The following MRPS23 variants were observed in gnomAD, a reference collection of about 807,000 sequenced individuals.
The protein encoded by MRPS23 is small ribosomal subunit protein mS23.
MRPS23 carries 14 observed loss-of-function variants against 19.8 expected under a neutral mutation model. That is an observed-to-expected ratio of 0.71 (90% CI 0.47 to 1.11). MRPS23 has a LOEUF of 1.11. Ranked by LOEUF, MRPS23 falls within the 50% of genes least tolerant of loss-of-function variation. The pLI, the probability that MRPS23 is intolerant of heterozygous loss-of-function variation, is 0.00. For synonymous variants in MRPS23, 113 were observed against 89.7 expected, an observed-to-expected ratio of 1.26 and a Z score of -1.47; for missense variants, 242 against 236.7, an observed-to-expected ratio of 1.02 and a Z score of -0.15.
rs1247974800 is a variant in MRPS23, at chr17:57,838,187, G to A, written c.*1596C>T. 1.3e-5 allele frequency: 2 copies of A among 149,948 alleles called. No homozygotes were observed. Among genetic ancestry groups the A allele is most frequent in the Admixed American group, 6.7e-5 (1 of 14,940 alleles). 9.3% of individuals were successfully genotyped at this position (149,948 alleles called of 1,614,324 possible). On this transcript the variant is annotated 3_prime_UTR_variant, in exon 5 of 5. Coordinates refer to ENST00000313608, the MANE Select transcript of MRPS23 (RefSeq NM_016070.4). The stretch of plus-strand genomic sequence containing the variant: ...CACCTGTAATCCCAGCTACTTGGGA[G>A]GCTGAGGCAGAAGAACTGCTTGAAC...
Position 57,837,818 on chromosome 17 carries a change from A to G in MRPS23, c.*1965T>C, listed in dbSNP as rs768741059. On this transcript the variant is annotated 3_prime_UTR_variant, in exon 5 of 5. Transcript: ENST00000313608. Reference sequence around the variant, plus strand: ...AGACTCCATCTCTACAAAAAAAAACAAACAAAAAAAATGTTAAAGAGCCAG... The same window carrying G: ...AGACTCCATCTCTACAAAAAAAAACGAACAAAAAAAATGTTAAAGAGCCAG... 6.6e-6 allele frequency: 1 copy of G among 151,498 alleles called. No homozygotes were observed. Among genetic ancestry groups the G allele is most frequent in the Non-Finnish European group, 1.5e-5 (1 of 68,600 alleles). 9.4% of individuals were successfully genotyped at this position (151,498 alleles called of 1,614,324 possible).
At chr17:57,841,096 T>A in intron 3 of MRPS23, 44 bp from the exon 4 acceptor site, 6 of 1,612,406 alleles carry the variant, frequency 3.7e-6, no homozygotes, top group Non-Finnish European at 5.1e-6. Flanking sequence ...TTGTAAGCAT[T>A]GTTAAGACGC....
chr17:57,848,925 C>A (rs2073793759), intron 2 of MRPS23: 1 of 229,868 alleles, frequency 4.4e-6, no homozygotes, highest in Non-Finnish European at 8.3e-6. Flanking sequence ...GCCTTCCTTA[C>A]AAGTTAGAGT....
rs1437959241 is a variant in MRPS23 at position 57,837,328 on chromosome 17, C to T, written c.*2455G>A. The T allele has an allele frequency of 6.6e-6, 1 of 152,182 alleles. No individual in the cohort carries two copies. The highest frequency in any genetic ancestry group is 6.5e-5 in the Admixed American group (1 of 15,284). The allele number at this position is 152,182 out of a possible 1,614,324, so 9.4% of individuals were successfully genotyped here. On this transcript the variant is annotated 3_prime_UTR_variant, in exon 5 of 5. Transcript: ENST00000313608. ...ATTTCTATGGACGAAGATATCAAAA[C>T]TCAAAATGATCTGCTCCTTGATCCA...
intron 2 of MRPS23, among the ~76,000 whole-genome samples, chr17:57,846,930 AAAAT>A (rs1470398040): frequency 1.3e-5 from 2 of 151,210 alleles, no homozygotes; most frequent in African/African-American, 4.8e-5. Flanking sequence ...TAAAAAATAA[AAAAT>A]AATAAAAATA....
intron 2 of MRPS23, 25 bp from the exon 3 acceptor site, chr17:57,841,285 TAA>T: frequency 6.3e-7 from 1 of 1,598,374 alleles, no homozygotes; most frequent in Non-Finnish European, 8.6e-7. Flanking sequence ...CAACATAATA[TAA>T]ATCTCCGATT....
chr17:57,843,463 C>A (rs1390961941), intron 2 of MRPS23, among the ~76,000 whole-genome samples: 1 of 152,172 alleles, frequency 6.6e-6, no homozygotes, highest in African/African-American at 2.4e-5. Flanking sequence ...TCTTTGTCCG[C>A]TTTTCTATTT....
intron 2 of MRPS23, among the ~76,000 whole-genome samples, chr17:57,846,124 C>T: frequency 6.6e-6 from 1 of 151,616 alleles, no homozygotes; most frequent in African/African-American, 2.4e-5. Context: ...GGGGGGCAGC[C>T]CCCACCCAGC....
At position 57,846,358 on chromosome 17, in the gene MRPS23, C is replaced by T. The variant is rs867612737; in HGVS notation, c.215+2882G>A. Among the ~76,000 whole-genome samples the T allele has an allele frequency of 3.9e-5, 6 of 152,078 alleles. No individual in the cohort carries two copies. In the South Asian group the frequency reaches 1.0e-3, roughly 26 times the overall value. Reference sequence around the variant, plus strand: ...GAGGTGGGGGGCACCTCTGCCCGGCCGCCCCGTCTGGGAAGTGAGGAGCCC... The same window carrying T: ...GAGGTGGGGGGCACCTCTGCCCGGCTGCCCCGTCTGGGAAGTGAGGAGCCC... On this transcript the variant is annotated intron_variant, in intron 2 of 4. Transcript: ENST00000313608.
In MRPS23 at chr17:57,835,952, C is replaced by CTTTTTTTTTTTTTTTTTTTTTT. The variant is rs11304363; in HGVS notation, c.*3830_*3831insAAAAAAAAAAAAAAAAAAAAAA. 1 of 135,256 alleles carries CTTTTTTTTTTTTTTTTTTTTTT rather than the reference C, an allele frequency of 7.4e-6. No individual in the cohort carries two copies. The highest frequency in any genetic ancestry group is 2.7e-5 in the African/African-American group (1 of 37,018). The allele number at this position is 135,256 out of a possible 1,614,324, so 8.4% of individuals were successfully genotyped here. On this transcript the variant is annotated 3_prime_UTR_variant, in exon 5 of 5. Coordinates refer to ENST00000313608, the MANE Select transcript of MRPS23 (RefSeq NM_016070.4). Reference sequence around the variant, plus strand: ...ATAAGAATTTCTGCCCTCCTTTATACTTTTTTTTTTTTTTTTTTTGAGACA... The same window carrying CTTTTTTTTTTTTTTTTTTTTTT: ...ATAAGAATTTCTGCCCTCCTTTATACTTTTTTTTTTTTTTTTTTTTTTTTTTTTTTTTTTTTTTTTTGAGACA...
At chr17:57,844,793 A>G (rs2073762148) in intron 2 of MRPS23, among the ~76,000 whole-genome samples, 1 of 144,686 alleles carries the variant, frequency 6.9e-6, no homozygotes, top group Non-Finnish European at 1.5e-5. Flanking sequence ...AAAAAAAAAA[A>G]GTAATATTTA....
chr17:57,849,958 A>C lies in MRPS23; in HGVS notation c.44+9T>G, dbSNP rs938285416. The C allele has an allele frequency of 1.3e-6, 2 of 1,585,588 alleles. No homozygotes were observed. The highest frequency in any genetic ancestry group is 1.3e-5 in the African/African-American group (1 of 74,284). ...GCACCCTCAGCCCACCACGGCTGGG[A>C]GCACACACCGAGAGAAGATGCTCCC... is the stretch of plus-strand genomic sequence containing the variant. On this transcript the variant is annotated intron_variant, in intron 1 of 4. Transcript: ENST00000313608.
In MRPS23 at chr17:57,839,489, C is replaced by A; in HGVS notation, c.*294G>T. ...AAGCAAGCCTAGTCAGATTGAGTCC[C>A]ATTTGAACAATCTTTATAAAGGTTT... On this transcript the variant is annotated 3_prime_UTR_variant, in exon 5 of 5. Coordinates refer to ENST00000313608, the MANE Select transcript of MRPS23 (RefSeq NM_016070.4). 4.3e-6 allele frequency: 1 copy of A among 231,094 alleles called. No homozygotes were observed. The highest frequency in any genetic ancestry group is 2.2e-5 in the African/African-American group (1 of 44,604). 14.3% of individuals were successfully genotyped at this position (231,094 alleles called of 1,614,324 possible). A position where few individuals can be genotyped will look rare whatever the true frequency, so the allele number is the denominator to read the frequency against.
In MRPS23 at chr17:57,849,494, T is replaced by G; in HGVS notation, c.45-84A>C. 6.6e-6 allele frequency: 10 copies of G among 1,508,300 alleles called. No homozygotes were observed. In the South Asian group the frequency reaches 1.2e-4, roughly 19 times the overall value. 93.4% of individuals were successfully genotyped at this position (1,508,300 alleles called of 1,614,324 possible). On this transcript the variant is annotated intron_variant, in intron 1 of 4. Coordinates refer to ENST00000313608, the MANE Select transcript of MRPS23 (RefSeq NM_016070.4). The stretch of plus-strand genomic sequence containing the variant: ...ATCAGTCTAGCACAGTTTGGGACAT[T>G]AAAGGTATTATGCGGTCTGCAACAC...
At position 57,849,270 on chromosome 17, in the gene MRPS23, T is replaced by A. The variant is rs780900062; in HGVS notation, c.185A>T (p.Asp62Val). The A allele has an allele frequency of 6.2e-7, 1 of 1,614,182 alleles. No homozygotes were observed. The highest frequency in any genetic ancestry group is 8.5e-7 in the Non-Finnish European group (1 of 1,180,028). The change falls in exon 2 of 5, where the codon GAC (aspartate) becomes GTC (valine). Residue 62 changes from aspartate (D) to valine (V), a missense_variant. Coordinates refer to ENST00000313608, the MANE Select transcript of MRPS23 (RefSeq NM_016070.4). ...AATCCGATCCTCGTGGTACCAGATGTCTTGGATGGGAGCTTTGGCTTTGCC... is the reference window on the plus strand; with the variant it reads ...AATCCGATCCTCGTGGTACCAGATGACTTGGATGGGAGCTTTGGCTTTGCC... Reference protein sequence around the residue: ...RYGKAKAPIQDIWYHEDRIRA... With the variant: ...RYGKAKAPIQVIWYHEDRIRA...
At chr17:57,846,287 G>A (rs1420607007) in intron 2 of MRPS23, among the ~76,000 whole-genome samples, 3 of 28,286 alleles carry the variant, frequency 1.1e-4, no homozygotes, top group African/African-American at 1.2e-4. Flanking sequence ...CGCCCCGTCC[G>A]GGAGGGAGGT....
At position 57,841,056 on chromosome 17, in the gene MRPS23, T is replaced by G. The variant is rs750921689; in HGVS notation, c.294-4A>C. On this transcript the variant is annotated splice_polypyrimidine_tract_variant and splice_region_variant and intron_variant, in intron 3 of 4. Coordinates refer to ENST00000313608, the MANE Select transcript of MRPS23 (RefSeq NM_016070.4). ...CTCAGTGTACTTCTCCACAAACCTG[T>G]AATTCCAAGCAGTCACATTTTAGGT... 2 of 1,613,782 alleles carry G rather than the reference T, an allele frequency of 1.2e-6. No individual in the cohort carries two copies. The highest frequency in any genetic ancestry group is 2.2e-5 in the South Asian group (2 of 90,984).
In MRPS23 at chr17:57,838,606, G is replaced by A. The variant is rs140272439; in HGVS notation, c.*1177C>T. On this transcript the variant is annotated 3_prime_UTR_variant, in exon 5 of 5. Coordinates refer to ENST00000313608, the MANE Select transcript of MRPS23 (RefSeq NM_016070.4). The stretch of plus-strand genomic sequence containing the variant: ...GAATGGATGAAATTTACTTCCCTAC[G>A]GAAAAGTAAAGCATTCTCCAAATGC... 10 of 152,296 alleles carry A rather than the reference G, an allele frequency of 6.6e-5. No individual in the cohort carries two copies. Among genetic ancestry groups the A allele is most frequent in the East Asian group, 1.9e-4 (1 of 5,184 alleles). The allele number at this position is 152,296 out of a possible 1,614,324, so 9.4% of individuals were successfully genotyped here.
intron 2 of MRPS23, among the ~76,000 whole-genome samples, chr17:57,843,453 T>TCGAA (rs879927089): frequency 2.4e-4 from 37 of 152,226 alleles, no homozygotes; most frequent in Non-Finnish European, 4.4e-4. Flanking sequence ...CTGTCCAAGT[T>TCGAA]CTTTGTCCGC....
Sources: allele counts gnomAD v4.1 joint callset (sites outside exome capture counted in the v4.1 genomes callset), GRCh38; gene constraint gnomAD v4.1.1; transcripts MANE v1.5; gene names NCBI Gene and HGNC (gene_info 2026-07-23, HGNC 2026-07-21).